Variants in STAU2 observed in about 807,000 individuals in gnomAD.
The protein encoded by STAU2 is double-stranded RNA-binding protein Staufen homolog 2.
STAU2 carries 20 observed loss-of-function variants against 65.9 expected under a neutral mutation model. The ratio of observed to expected loss-of-function variants is 0.30; its 90% CI spans 0.21 to 0.44. STAU2 has a LOEUF of 0.44. STAU2 is among the 20% of genes least tolerant of loss of function. The pLI is 1.00. For missense variants in STAU2, 558 were observed against 683.9 expected (o/e 0.82, Z 2.05); for synonymous variants, 232 against 233.9 (o/e 0.99, Z 0.07).
intron 6 of STAU2, among the ~76,000 whole-genome samples, chr8:73,622,139 TTTTTTTG>T (rs1563464052): frequency 2.7e-4 from 15 of 55,302 alleles, no homozygotes; most frequent in East Asian, 8.6e-4. Flanking sequence ...TTTTTTTTTT[TTTTTTTG>T]AGACGGAGTC....
chr8:73,444,980 C>T (rs1343847454), intron 13 of STAU2, among the ~76,000 whole-genome samples: 1 of 152,136 alleles, frequency 6.6e-6, no homozygotes, highest in Non-Finnish European at 1.5e-5. Context: ...CTCTTCACCT[C>T]TAGAAGGAGC....
intron 13 of STAU2, among the ~76,000 whole-genome samples, chr8:73,465,945 A>T (rs1369489697): frequency 6.6e-6 from 1 of 152,238 alleles, no homozygotes. Flanking sequence ...CCTCCCGAGT[A>T]CCTGGGATTA....
chr8:73,638,497 ATTCT>A (rs1814716182), intron 6 of STAU2, among the ~76,000 whole-genome samples: 1 of 142,908 alleles, frequency 7.0e-6, no homozygotes, highest in Non-Finnish European at 1.5e-5. Context: ...CATTTGAAAT[ATTCT>A]TTTTTTTTTT....
At chr8:73,530,530 T>C (rs796831058) in intron 13 of STAU2, among the ~76,000 whole-genome samples, 20 of 152,070 alleles carry the variant, frequency 1.3e-4, no homozygotes, top group African/African-American at 4.6e-4. Context: ...TGATACAGAG[T>C]GGGAATACCT....
Position 73,719,199 on chromosome 8 carries a change from C to T in STAU2, c.-17-10037G>A, listed in dbSNP as rs971550923. 5.9e-5 allele frequency among the ~76,000 whole-genome samples: 9 copies of T among 152,020 alleles called. 1 individual carries two copies. The highest frequency in any genetic ancestry group is 5.2e-4 in the Admixed American group (8 of 15,258). On this transcript the variant is annotated intron_variant, in intron 3 of 14. Transcript: ENST00000524300. ...CAGGTGGATCACAAGGTCAGGAGATCGAGACCATCTTGGCCAACCTGGTGA... is the reference window on the plus strand; with the variant it reads ...CAGGTGGATCACAAGGTCAGGAGATTGAGACCATCTTGGCCAACCTGGTGA...
At chr8:73,708,397 G>A (rs980770547) in intron 4 of STAU2, among the ~76,000 whole-genome samples, 1 of 152,086 alleles carries the variant, frequency 6.6e-6, no homozygotes, top group Non-Finnish European at 1.5e-5. Context: ...CAACTGAATA[G>A]AGCTCAAACA....
intron 12 of STAU2, among the ~76,000 whole-genome samples, chr8:73,574,104 C>A (rs1809324547): frequency 6.6e-6 from 1 of 152,104 alleles, no homozygotes; most frequent in East Asian, 1.9e-4. Flanking sequence ...AGAATATGAA[C>A]AGACACTTCT....
chr8:73,642,814 TGAGA>T, intron 6 of STAU2, among the ~76,000 whole-genome samples: 1 of 152,128 alleles, frequency 6.6e-6, no homozygotes, highest in East Asian at 1.9e-4. Context: ...CCTTGGCAAA[TGAGA>T]GAGAACAGAA....
rs1255284382 is a variant in STAU2, at chr8:73,573,511, A to AAG, written c.1222+9258_1222+9259insCT. Among the ~76,000 whole-genome samples the AAG allele has an allele frequency of 2.8e-3, 420 of 152,254 alleles. 1 individual carries two copies. The highest frequency in any genetic ancestry group is 5.8e-3 in the Admixed American group (89 of 15,278). On this transcript the variant is annotated intron_variant, in intron 12 of 14. Coordinates refer to ENST00000524300, the MANE Select transcript of STAU2 (RefSeq NM_001164380.2). ...TACCTGACTTCAAACTATACTACCG[A>AAG]GCTACAGTAACCAAAACAGCAGCGT... is the stretch of plus-strand genomic sequence containing the variant.
intron 12 of STAU2, among the ~76,000 whole-genome samples, chr8:73,576,651 T>C (rs962036244): frequency 2.6e-5 from 4 of 152,218 alleles, no homozygotes; most frequent in Admixed American, 2.6e-4. Flanking sequence ...CTTCATAAGT[T>C]ATATAAGTGT....
intron 13 of STAU2, among the ~76,000 whole-genome samples, chr8:73,481,093 T>C (rs960541424): frequency 7.9e-5 from 12 of 152,072 alleles, no homozygotes; most frequent in African/African-American, 2.7e-4. Context: ...GGTTAAGAAA[T>C]AGAACATTAT....
At chr8:73,547,688 T>C (rs960470274) in intron 13 of STAU2, among the ~76,000 whole-genome samples, 2 of 152,218 alleles carry the variant, frequency 1.3e-5, no homozygotes, top group African/African-American at 4.8e-5. Context: ...ATCAGAGCAG[T>C]ATCTGCTGAC....
chr8:73,656,265 A>T (rs892015256), intron 6 of STAU2, among the ~76,000 whole-genome samples: 1 of 152,248 alleles, frequency 6.6e-6, no homozygotes, highest in Admixed American at 6.5e-5. Flanking sequence ...AATGTAATTC[A>T]CATTAAAAAC....
At chr8:73,455,385 G>T (rs1190885517) in intron 13 of STAU2, among the ~76,000 whole-genome samples, 1 of 152,120 alleles carries the variant, frequency 6.6e-6, no homozygotes, top group Non-Finnish European at 1.5e-5. Flanking sequence ...AAGGTTTTGG[G>T]AGCCAGGAGT....
intron 13 of STAU2, among the ~76,000 whole-genome samples, chr8:73,477,678 C>T (rs1207312454): frequency 6.6e-6 from 1 of 152,124 alleles, no homozygotes; most frequent in Non-Finnish European, 1.5e-5. Flanking sequence ...AGTAGACGGA[C>T]AGAAGTTCTA....
chr8:73,604,724 G>T (rs2129729728), intron 9 of STAU2, among the ~76,000 whole-genome samples: 1 of 152,258 alleles, frequency 6.6e-6, no homozygotes, highest in South Asian at 2.1e-4. Context: ...AAAAACCTCA[G>T]TGAGTTACTA....
intron 13 of STAU2, among the ~76,000 whole-genome samples, chr8:73,469,237 T>C (rs1277836050): frequency 1.3e-5 from 2 of 151,836 alleles, no homozygotes; most frequent in Non-Finnish European, 2.9e-5. Context: ...TTCTCACTCA[T>C]AGGTGGGAAT....
At chr8:73,547,664 G>T (rs1461800693) in intron 13 of STAU2, among the ~76,000 whole-genome samples, 1 of 152,104 alleles carries the variant, frequency 6.6e-6, no homozygotes, top group African/African-American at 2.4e-5. Context: ...GAATTTTTAA[G>T]ATTTTAATGG....
chr8:73,730,341 A>ATCTT (rs779924936), intron 3 of STAU2, among the ~76,000 whole-genome samples: 73,269 of 152,184 alleles, frequency 0.48, 19,711 homozygotes, highest in Non-Finnish European at 0.62. Context: ...ACTGGAGAAG[A>ATCTT]TACATAGCAT....
Sources: allele counts gnomAD v4.1 joint callset (sites outside exome capture counted in the v4.1 genomes callset), GRCh38; gene constraint gnomAD v4.1.1; transcripts MANE v1.5; gene names NCBI Gene and HGNC (gene_info 2026-07-23, HGNC 2026-07-21).